The following IL22 variants were observed in gnomAD, a reference collection of about 807,000 sequenced individuals.
The protein encoded by IL22 is interleukin 22.
A neutral mutation model predicts 15.5 loss-of-function variants in IL22; 15 were observed. The ratio of observed to expected loss-of-function variants is 0.97; its 90% CI spans 0.65 to 1.49. The LOEUF (loss-of-function observed/expected upper bound fraction) is 1.49, where lower values mean the gene tolerates loss of function less well. IL22 is among the 40% of genes most tolerant of loss of function. The probability of loss-of-function intolerance (pLI) is 0.00; values close to 1 mark genes in which losing one functional copy is unlikely to be tolerated. For missense variants in IL22, 225 were observed against 215.4 expected, an observed-to-expected ratio of 1.04 and a Z score of -0.28; for synonymous variants, 91 against 82.0, an observed-to-expected ratio of 1.11 and a Z score of -0.60.
intron 5 of IL22, among the ~76,000 whole-genome samples, 174 bp from the exon 6 acceptor site, chr12:68,249,050 T>C (rs1467529943): frequency 2.6e-5 from 4 of 152,198 alleles, no homozygotes; most frequent in African/African-American, 9.7e-5. Flanking sequence ...GAGCTTAAAA[T>C]GACGGCTCTC....
chr12:68,250,775 T>A (rs1046252604), intron 5 of IL22, among the ~76,000 whole-genome samples: 2 of 152,148 alleles, frequency 1.3e-5, no homozygotes, highest in African/African-American at 4.8e-5. Context: ...GAAACTAGAA[T>A]GGAAGGTCTT....
In IL22 at chr12:68,253,246, A is replaced by G. The variant is rs779422688; in HGVS notation, c.186+17T>C. 1 of 1,593,906 alleles carries G rather than the reference A, an allele frequency of 6.3e-7. No individual in the cohort carries two copies. The highest frequency in any genetic ancestry group is 2.3e-5 in the East Asian group (1 of 44,382). ...CCAAGTAGATCCAACGAGAAAGAGCAGGATTGAGATGTATACCTCCTTAGC... is the reference window on the plus strand; with the variant it reads ...CCAAGTAGATCCAACGAGAAAGAGCGGGATTGAGATGTATACCTCCTTAGC... On this transcript the variant is annotated intron_variant, in intron 2 of 5. Coordinates refer to ENST00000538666, the MANE Select transcript of IL22 (RefSeq NM_020525.5).
chr12:68,249,348 C>A (rs1166981776), intron 5 of IL22, among the ~76,000 whole-genome samples: 3 of 152,214 alleles, frequency 2.0e-5, no homozygotes, highest in African/African-American at 7.2e-5. Context: ...AATTCATAAA[C>A]TTTCTTAAAA....
intron 5 of IL22, among the ~76,000 whole-genome samples, chr12:68,250,450 T>A (rs1869887379): frequency 6.6e-6 from 1 of 152,238 alleles, no homozygotes; most frequent in South Asian, 2.1e-4. Context: ...CATTAAATGA[T>A]GCTCAGGAAG....
At position 68,249,003 on chromosome 12, in the gene IL22, A is replaced by G. The variant is rs1869831792; in HGVS notation, c.463-127T>C. The G allele has an allele frequency of 2.7e-5, 20 of 739,042 alleles. No homozygotes were observed. In the South Asian group the frequency reaches 2.8e-4, roughly 10 times the overall value. The allele number at this position is 739,042 out of a possible 1,614,324, so 45.8% of individuals were successfully genotyped here. On this transcript the variant is annotated intron_variant, in intron 5 of 5. Coordinates refer to ENST00000538666, the MANE Select transcript of IL22 (RefSeq NM_020525.5). ...AGTTTTAAGCATTTGTAAAACATTC[A>G]TAGTAATATCCCTTTAGTATTGTAT... is the stretch of plus-strand genomic sequence containing the variant.
At position 68,248,804 on chromosome 12, in the gene IL22, T is replaced by C; in HGVS notation, c.535A>G (p.Ile179Val). 6.2e-7 allele frequency: 1 copy of C among 1,611,618 alleles called. No individual in the cohort carries two copies. Among genetic ancestry groups the C allele is most frequent in the Non-Finnish European group, 8.5e-7 (1 of 1,178,082 alleles). The stretch of plus-strand genomic sequence containing the variant: ...ATTTTTCAGCTTTGCTCTGGTCAAA[T>C]GCAGGCATTTCTCAGAGACATAAAC... ...LLFMSLRNAC[I>V] The change falls in exon 6 of 6, where the codon ATT becomes GTT. Residue 179 changes from isoleucine (I) to valine (V), a missense_variant. Ile to Val is a conservative substitution (Grantham distance 29). Coordinates refer to ENST00000538666, the MANE Select transcript of IL22 (RefSeq NM_020525.5).
chr12:68,251,212 C>T (rs981320265), intron 5 of IL22, among the ~76,000 whole-genome samples: 1 of 152,110 alleles, frequency 6.6e-6, no homozygotes, highest in African/African-American at 2.4e-5. Flanking sequence ...AAAGTGCTGG[C>T]TTGGGATTCA....
Position 68,251,588 on chromosome 12 carries a change from A to G in IL22, c.397-10T>C. The G allele has an allele frequency of 1.3e-6, 2 of 1,597,260 alleles. No homozygotes were observed. Among genetic ancestry groups the G allele is most frequent in the South Asian group, 2.2e-5 (2 of 90,702 alleles). ...CATCACCTTCAATATGCTATAAAAC[A>G]ATAACAAGCATAACTATCTTAATGT... On this transcript the variant is annotated splice_polypyrimidine_tract_variant and intron_variant, in intron 4 of 5. Transcript: ENST00000538666.
Position 68,253,509 on chromosome 12 carries a change from C to A in IL22, c.-46-15G>T. The A allele has an allele frequency of 1.5e-6, 2 of 1,309,780 alleles. No individual in the cohort carries two copies. Among genetic ancestry groups the A allele is most frequent in the South Asian group, 1.5e-5 (1 of 66,032 alleles). 81.1% of individuals were successfully genotyped at this position (1,309,780 alleles called of 1,614,324 possible). On this transcript the variant is annotated splice_polypyrimidine_tract_variant and intron_variant, in intron 1 of 5. Coordinates refer to ENST00000538666, the MANE Select transcript of IL22 (RefSeq NM_020525.5). ...GGAAGGAGAACCTGGTCGAAGACAA[C>A]GTGAAGGAACAAAATTAGTCAAGAA...
At chr12:68,249,832 C>G (rs1256575973) in intron 5 of IL22, among the ~76,000 whole-genome samples, 1 of 152,182 alleles carries the variant, frequency 6.6e-6, no homozygotes, top group South Asian at 2.1e-4. Context: ...CATGGTTCTT[C>G]CTTTTCCTGC....
chr12:68,248,727 G>T lies in IL22; in HGVS notation c.*72C>A. On this transcript the variant is annotated 3_prime_UTR_variant, in exon 6 of 6. Transcript: ENST00000538666. Reference sequence around the variant, plus strand: ...ATCTTCCTTTTGGTTAAAAAAAATCGCTTTGGGGCATCTAATTGTTATTTC... The same window carrying T: ...ATCTTCCTTTTGGTTAAAAAAAATCTCTTTGGGGCATCTAATTGTTATTTC... 3 of 1,223,302 alleles carry T rather than the reference G, an allele frequency of 2.5e-6. No homozygotes were observed. Among genetic ancestry groups the T allele is most frequent in the Non-Finnish European group, 3.6e-6 (3 of 844,048 alleles). The allele number at this position is 1,223,302 out of a possible 1,614,324, so 75.8% of individuals were successfully genotyped here. A position where few individuals can be genotyped will look rare whatever the true frequency, so the allele number is the denominator to read the frequency against.
chr12:68,253,090 GAA>G (rs34979529), intron 2 of IL22, among the ~76,000 whole-genome samples, 171 bp downstream of exon 2: 52 of 142,622 alleles, frequency 3.6e-4, no homozygotes, highest in African/African-American at 1.3e-3. Flanking sequence ...AGAAGTTCAA[GAA>G]AAAAAAAAAA....
In IL22 at chr12:68,252,765, C is replaced by A; in HGVS notation, c.251G>T (p.Ser84Ile). ...LIGEKLFHGV[S>I]MSERCYLMKQ... ...CTGTTCGTCACAACTGTAGCTTACACTGACTCCGTGGAACAGTTTCTCCCC... is the reference window on the plus strand; with the variant it reads ...CTGTTCGTCACAACTGTAGCTTACAATGACTCCGTGGAACAGTTTCTCCCC... The change falls in exon 3 of 6, where the codon AGT becomes ATT. Residue 84 changes from serine (S) to isoleucine (I), a missense_variant and splice_region_variant. Ser to Ile is a moderately radical substitution (Grantham distance 142). Transcript: ENST00000538666. The A allele has an allele frequency of 6.2e-7, 1 of 1,613,884 alleles. No individual in the cohort carries two copies. The highest frequency in any genetic ancestry group is 8.5e-7 in the Non-Finnish European group (1 of 1,179,804).
intron 4 of IL22, among the ~76,000 whole-genome samples, chr12:68,251,854 A>AT (rs1273934055): frequency 6.6e-6 from 1 of 152,138 alleles, no homozygotes; most frequent in East Asian, 1.9e-4. Flanking sequence ...GTTTATGCAA[A>AT]TTCTGTAAGG....
At position 68,248,553 on chromosome 12, in the gene IL22, A is replaced by C. The variant is rs1241188774; in HGVS notation, c.*246T>G. 1.0e-5 allele frequency: 4 copies of C among 396,132 alleles called. No individual in the cohort carries two copies. The highest frequency in any genetic ancestry group is 8.2e-5 in the African/African-American group (4 of 48,514). 24.5% of individuals were successfully genotyped at this position (396,132 alleles called of 1,614,324 possible). On this transcript the variant is annotated 3_prime_UTR_variant, in exon 6 of 6. Transcript: ENST00000538666. Reference sequence around the variant, plus strand: ...AAATAAATTGTTTTCTGTGTATAGAACACCAGTTACAATGAAATGTTATCA... The same window carrying C: ...AAATAAATTGTTTTCTGTGTATAGACCACCAGTTACAATGAAATGTTATCA...
In IL22 at chr12:68,248,806, C is replaced by G. The variant is rs1452029514; in HGVS notation, c.533G>C (p.Cys178Ser). The change falls in exon 6 of 6, where the codon TGC (cysteine) becomes TCC (serine). Residue 178 changes from cysteine to serine, a missense_variant. By Grantham distance (112) the Cys-to-Ser change is moderately radical. Coordinates refer to ENST00000538666, the MANE Select transcript of IL22 (RefSeq NM_020525.5). Reference sequence around the variant, plus strand: ...TTTTCAGCTTTGCTCTGGTCAAATGCAGGCATTTCTCAGAGACATAAACAG... The same window carrying G: ...TTTTCAGCTTTGCTCTGGTCAAATGGAGGCATTTCTCAGAGACATAAACAG... ...DLLFMSLRNACI is the reference protein window; with the variant it reads ...DLLFMSLRNASI 3.7e-6 allele frequency: 6 copies of G among 1,611,520 alleles called. No individual in the cohort carries two copies. In the African/African-American group the frequency reaches 5.3e-5, roughly 14 times the overall value.
Position 68,252,773 on chromosome 12 carries a change from G to T in IL22, c.243C>A (p.His81Gln), listed in dbSNP as rs1250418195. 29 of 1,613,680 alleles carry T rather than the reference G, an allele frequency of 1.8e-5. No homozygotes were observed. The highest frequency in any genetic ancestry group is 2.3e-5 in the Non-Finnish European group (27 of 1,179,754). Residue 81 changes from histidine (H) to glutamine (Q), a missense_variant, in exon 3 of 6, where the codon CAC (histidine) becomes CAA (glutamine). Transcript: ENST00000538666. ...DVRLIGEKLF[H>Q]GVSMSERCYL... Reference sequence around the variant, plus strand: ...CACAACTGTAGCTTACACTGACTCCGTGGAACAGTTTCTCCCCAATGAGAC... The same window carrying T: ...CACAACTGTAGCTTACACTGACTCCTTGGAACAGTTTCTCCCCAATGAGAC...
Position 68,253,297 on chromosome 12 carries a change from T to C in IL22, c.152A>G (p.Tyr51Cys), listed in dbSNP as rs1335634879. The C allele has an allele frequency of 4.3e-6, 7 of 1,613,732 alleles. No homozygotes were observed. Among genetic ancestry groups the C allele is most frequent in the Middle Eastern group, 1.7e-4 (1 of 6,054 alleles). Residue 51 changes from tyrosine to cysteine, a missense_variant, in exon 2 of 6, where the codon TAT becomes TGT. Physicochemically the swap from Tyr to Cys is radical, Grantham distance 194. Transcript: ENST00000538666. ...RLDKSNFQQP[Y>C]ITNRTFMLAK... ...CAGCATGAAGGTGCGGTTGGTGATA[T>C]AGGGCTGCTGGAAGTTGGACTTGTC...
intron 5 of IL22, among the ~76,000 whole-genome samples, chr12:68,251,021 G>A (rs553072467): frequency 5.4e-4 from 82 of 152,222 alleles, no homozygotes; most frequent in Non-Finnish European, 8.5e-4. Flanking sequence ...ATTGTTCTGA[G>A]TTTATTCTTC....
Sources: gnomAD v4.1 joint callset for allele counts (sites outside exome capture counted in the v4.1 genomes callset) on GRCh38, gnomAD v4.1.1 for gene constraint, MANE v1.5 for transcripts, NCBI Gene and HGNC (gene_info 2026-07-23, HGNC 2026-07-21) for gene names.